Variants in TRIM9 observed in about 807,000 individuals in gnomAD.
TRIM9 encodes E3 ubiquitin-protein ligase TRIM9.
Under a neutral mutation model 78.3 loss-of-function variants are expected in TRIM9, and 26 were observed. That is an observed-to-expected ratio of 0.33 (90% CI 0.24 to 0.46). The LOEUF (loss-of-function observed/expected upper bound fraction) is 0.46, where lower values mean the gene tolerates loss of function less well. Ranked by LOEUF, TRIM9 falls within the 20% of genes least tolerant of loss-of-function variation. The probability of loss-of-function intolerance (pLI) is 1.00; values close to 1 mark genes in which losing one functional copy is unlikely to be tolerated. For synonymous variants in TRIM9, 398 were observed against 416.5 expected (o/e 0.96, Z 0.54); for missense variants, 787 against 1,036.4 (o/e 0.76, Z 3.30).
At chr14:50,989,786 T>A (rs2139392557) in intron 7 of TRIM9, among the ~76,000 whole-genome samples, 1 of 152,276 alleles carries the variant, frequency 6.6e-6, no homozygotes, top group South Asian at 2.1e-4. Context: ...ATGCTTTCCA[T>A]CAACTCTGTC....
intron 5 of TRIM9, among the ~76,000 whole-genome samples, chr14:51,003,917 T>C (rs1445289986): frequency 6.6e-6 from 1 of 152,246 alleles, no homozygotes; most frequent in Non-Finnish European, 1.5e-5. Context: ...GCTGACATTC[T>C]AGAAAAATAT....
chr14:51,033,964 G>A (rs1313466653), intron 1 of TRIM9, among the ~76,000 whole-genome samples: 2 of 152,122 alleles, frequency 1.3e-5, no homozygotes, highest in South Asian at 4.1e-4. Flanking sequence ...TCATATACAT[G>A]TATCTGTCCA....
At chr14:51,086,266 A>G (rs996909903) in intron 1 of TRIM9, among the ~76,000 whole-genome samples, 1 of 152,164 alleles carries the variant, frequency 6.6e-6, no homozygotes, top group Admixed American at 6.5e-5. Context: ...GACCCTGCCA[A>G]TTACAACGGG....
chr14:51,075,185 A>G (rs1258701206), intron 1 of TRIM9, among the ~76,000 whole-genome samples: 4 of 152,166 alleles, frequency 2.6e-5, no homozygotes, highest in African/African-American at 9.7e-5. Flanking sequence ...AGGTAGGCAC[A>G]GGATCCAAAT....
chr14:50,986,047 T>C lies in TRIM9; in HGVS notation c.1701A>G (p.Gln567=), dbSNP rs1045077874. ...AGTAGGATCTCCCGGGGAAGCTGGG[T>C]TGTAGATTAAGGGTGGAGGAGAAAG... is the stretch of plus-strand genomic sequence containing the variant. The part of the protein sequence containing the change: ...MSPFSSTLNL[Q]PSFPGRSYFD... Residue 567 remains glutamine (Q), a synonymous_variant, in exon 8 of 13, where the codon CAA becomes CAG. Transcript: ENST00000684578. The C allele has an allele frequency of 2.6e-6, 4 of 1,549,458 alleles. No individual in the cohort carries two copies. Among genetic ancestry groups the C allele is most frequent in the Non-Finnish European group, 3.5e-6 (4 of 1,146,412 alleles).
chr14:50,979,359 T>G, intron 12 of TRIM9, 28 bp downstream of exon 12: 1 of 1,614,222 alleles, frequency 6.2e-7, no homozygotes, highest in Non-Finnish European at 8.5e-7. Flanking sequence ...CAGCAACAGC[T>G]GTTTAACCTC....
intron 1 of TRIM9, among the ~76,000 whole-genome samples, chr14:51,059,982 T>G (rs750706083): frequency 1.3e-5 from 2 of 152,192 alleles, no homozygotes; most frequent in Non-Finnish European, 2.9e-5. Flanking sequence ...ACAAATTGTT[T>G]CTTAAAAAAG....
chr14:51,058,528 G>GA (rs2061072065), intron 1 of TRIM9, among the ~76,000 whole-genome samples: 1 of 152,158 alleles, frequency 6.6e-6, no homozygotes, highest in Non-Finnish European at 1.5e-5. Context: ...GGAGTGGGGA[G>GA]TGGGACATGC....
In TRIM9 at chr14:50,982,845, A is replaced by T. The variant is rs2052149164; in HGVS notation, c.1858+97T>A. 2.6e-6 allele frequency: 3 copies of T among 1,158,326 alleles called. No homozygotes were observed. In the South Asian group the frequency reaches 4.4e-5, roughly 17 times the overall value. The allele number at this position is 1,158,326 out of a possible 1,614,324, so 71.8% of individuals were successfully genotyped here. ...TCTAAATGCCACCTATAAATATCAC[A>T]CTCGAGAGATGTAATTGCTGATTTA... is the stretch of plus-strand genomic sequence containing the variant. On this transcript the variant is annotated intron_variant, in intron 10 of 12. Transcript: ENST00000684578.
chr14:51,050,671 C>T (rs78492824), intron 1 of TRIM9, among the ~76,000 whole-genome samples: 3,581 of 152,246 alleles, frequency 0.024, 113 homozygotes, highest in African/African-American at 0.068. Flanking sequence ...ATCCTATGTG[C>T]CTTCTGAAGC....
At position 50,986,122 on chromosome 14, in the gene TRIM9, G is replaced by A. The variant is rs1030202725; in HGVS notation, c.1626C>T (p.Thr542=). 3.3e-6 allele frequency: 5 copies of A among 1,532,814 alleles called. No individual in the cohort carries two copies. Among genetic ancestry groups the A allele is most frequent in the Non-Finnish European group, 4.4e-6 (5 of 1,138,084 alleles). 95.0% of individuals were successfully genotyped at this position (1,532,814 alleles called of 1,614,324 possible). A position where few individuals can be genotyped will look rare whatever the true frequency, so the allele number is the denominator to read the frequency against. The change falls in exon 8 of 13, where the codon ACC becomes ACT. Residue 542 remains threonine (T), a synonymous_variant. Coordinates refer to ENST00000684578, the MANE Select transcript of TRIM9 (RefSeq NM_001387360.1). The stretch of plus-strand genomic sequence containing the variant: ...TTTCCGAAGGCACTGGAAAAGGGAG[G>A]GTCTGTTCTTCTGAATCTGTGTCTA... ...TSEDTDSEEQ[T]LPFPVPSERL...
rs77731895 is a variant in TRIM9 at position 50,982,782 on chromosome 14, T to C, written c.1858+160A>G. The C allele has an allele frequency of 4.6e-4, 284 of 620,976 alleles. 3 individuals are homozygous for C. The East Asian group carries it at 6.3e-3, about 14-fold the overall frequency. The allele number at this position is 620,976 out of a possible 1,614,324, so 38.5% of individuals were successfully genotyped here. On this transcript the variant is annotated intron_variant, in intron 10 of 12. Transcript: ENST00000684578. ...AGGAATTTCGGACATTAGGTGCAGA[T>C]AGAATGATGTCTTTGTACGCATTGT...
chr14:51,050,394 T>C (rs1273403147), intron 1 of TRIM9, among the ~76,000 whole-genome samples: 1 of 152,234 alleles, frequency 6.6e-6, no homozygotes, highest in Non-Finnish European at 1.5e-5. Flanking sequence ...TCTCATTGCC[T>C]CTTTGCCTGC....
intron 1 of TRIM9, among the ~76,000 whole-genome samples, chr14:51,066,689 A>G (rs2061768019): frequency 6.6e-6 from 1 of 152,244 alleles, no homozygotes; most frequent in Non-Finnish European, 1.5e-5. Flanking sequence ...AAAGCACTCC[A>G]GTCTGCTGCG....
At chr14:51,091,795 A>C (rs12586141) in intron 1 of TRIM9, among the ~76,000 whole-genome samples, 5,525 of 152,250 alleles carry the variant, frequency 0.036, 205 homozygotes, top group African/African-American at 0.086. Context: ...TACTTATGTC[A>C]TGTTTCAAGG....
chr14:50,993,561 T>G (rs1020212338), intron 7 of TRIM9, among the ~76,000 whole-genome samples: 1 of 152,192 alleles, frequency 6.6e-6, no homozygotes, highest in Admixed American at 6.5e-5. Flanking sequence ...AGAGACAGGG[T>G]TTCTCCATGT....
intron 7 of TRIM9, among the ~76,000 whole-genome samples, chr14:50,992,252 A>T (rs2053605387): frequency 6.6e-6 from 1 of 152,194 alleles, no homozygotes; most frequent in Admixed American, 6.5e-5. Flanking sequence ...ATCAGGGTGC[A>T]GTACTTATGC....
At chr14:50,979,724 C>T (rs1373392627) in intron 11 of TRIM9, among the ~76,000 whole-genome samples, 175 bp from the exon 12 acceptor site, 1 of 152,128 alleles carries the variant, frequency 6.6e-6, no homozygotes. Context: ...TACTGTATAC[C>T]TGTTGGTACT....
chr14:51,052,602 T>A (rs551796252), intron 1 of TRIM9, among the ~76,000 whole-genome samples: 4 of 152,332 alleles, frequency 2.6e-5, no homozygotes, highest in African/African-American at 9.6e-5. Flanking sequence ...TTTTCAATGA[T>A]ATGAGCCTCT....
Sources: gnomAD v4.1 joint callset for allele counts (sites outside exome capture counted in the v4.1 genomes callset) on GRCh38, gnomAD v4.1.1 for gene constraint, MANE v1.5 for transcripts, NCBI Gene and HGNC (gene_info 2026-07-23, HGNC 2026-07-21) for gene names.